The following PCDHA2 variants were observed in gnomAD, a reference collection of about 807,000 sequenced individuals.
The protein encoded by PCDHA2 is protocadherin alpha-2.
In PCDHA2, 58 loss-of-function variants were observed where a neutral mutation model predicts 66.0. The observed-to-expected ratio is 0.88, with a 90% CI of 0.71 to 1.09. The LOEUF (loss-of-function observed/expected upper bound fraction) is 1.09. Among genes scored for constraint, PCDHA2 ranks in the 50% least tolerant of loss-of-function variants. PCDHA2 has a pLI of 0.00. For missense variants in PCDHA2, 1,267 were observed against 1,242.3 expected, an observed-to-expected ratio of 1.02 and a Z score of -0.30; for synonymous variants, 634 against 554.0, an observed-to-expected ratio of 1.14 and a Z score of -2.03.
chr5:140,901,857 G>A (rs782415424), intron 1 of PCDHA2, among the ~76,000 whole-genome samples: 4 of 151,902 alleles, frequency 2.6e-5, no homozygotes, highest in African/African-American at 4.8e-5. Flanking sequence ...CCATTTTTTT[G>A]TGTCCTCTTC....
rs1466971352 is a variant in PCDHA2, at chr5:140,794,871, A to T, written c.-94A>T. ...TTTGTTACTTCAGAGAAGCGGAGGA[A>T]TAAGAGAAGCAGCAGGACTTTAACA... On this transcript the variant is annotated 5_prime_UTR_variant, in exon 1 of 4. Coordinates refer to ENST00000526136, the MANE Select transcript of PCDHA2 (RefSeq NM_018905.3). 2.3e-6 allele frequency: 3 copies of T among 1,324,602 alleles called. No homozygotes were observed. In the African/African-American group the frequency reaches 4.4e-5, roughly 19 times the overall value. The allele number at this position is 1,324,602 out of a possible 1,614,324, so 82.1% of individuals were successfully genotyped here.
chr5:140,938,463 T>C (rs1399110046), intron 1 of PCDHA2, among the ~76,000 whole-genome samples: 1 of 152,216 alleles, frequency 6.6e-6, no homozygotes, highest in Non-Finnish European at 1.5e-5. Flanking sequence ...GTTTTTTAAT[T>C]TATTATGTTT....
At position 140,856,500 on chromosome 5, in the gene PCDHA2, T is replaced by G. The variant is rs371158035; in HGVS notation, c.2388+59148T>G. 1.4e-5 allele frequency: 22 copies of G among 1,598,280 alleles called. 1 individual carries two copies. The African/African-American group carries it at 3.0e-4, about 22-fold the overall frequency. ...GAATCCAGACTGCTTGACTCTCGAT[T>G]TCCACTAGAAGGCGCATCTGATGCG... On this transcript the variant is annotated intron_variant, in intron 1 of 3. Transcript: ENST00000526136.
intron 3 of PCDHA2, among the ~76,000 whole-genome samples, chr5:140,983,386 A>G (rs1426409765): frequency 2.6e-5 from 4 of 152,216 alleles, no homozygotes. Context: ...TCGCTGTGGC[A>G]GTTTTCAGAA....
At chr5:140,801,919 CG>C in intron 1 of PCDHA2, 1 of 1,614,142 alleles carries the variant, frequency 6.2e-7, no homozygotes, top group Non-Finnish European at 8.5e-7. Flanking sequence ...AACGCCCCAG[CG>C]TTTGAGAGGA....
At chr5:140,975,213 G>A (rs1205237242) in intron 1 of PCDHA2, among the ~76,000 whole-genome samples, 2 of 152,178 alleles carry the variant, frequency 1.3e-5, no homozygotes, top group African/African-American at 4.8e-5. Context: ...GGCTGGCACT[G>A]GAGAATCTTC....
At chr5:141,007,869 T>C (rs2098349373) in intron 3 of PCDHA2, among the ~76,000 whole-genome samples, 1 of 152,262 alleles carries the variant, frequency 6.6e-6, no homozygotes, top group African/African-American at 2.4e-5. Flanking sequence ...TCTTTTCCTT[T>C]GTCTTACACT....
At chr5:140,869,170 T>C in intron 1 of PCDHA2, 3 of 1,613,920 alleles carry the variant, frequency 1.9e-6, no homozygotes, top group Non-Finnish European at 2.5e-6. Context: ...CCTCCTCGAA[T>C]TCTGGGAGGT....
rs2150361348 is a variant in PCDHA2, at chr5:140,843,506, G to T, written c.2388+46154G>T. 1.9e-6 allele frequency: 3 copies of T among 1,596,028 alleles called. No homozygotes were observed. The East Asian group carries it at 6.7e-5, about 36-fold the overall frequency. On this transcript the variant is annotated intron_variant, in intron 1 of 3. Coordinates refer to ENST00000526136, the MANE Select transcript of PCDHA2 (RefSeq NM_018905.3). ...GCTGCGGTGCTCAGCACTGCCCACT[G>T]AGGGCGGGTGCCGGGCGGGCAAGCC...
intron 1 of PCDHA2, chr5:140,828,729 C>T (rs1554131485): frequency 2.5e-6 from 4 of 1,614,254 alleles, no homozygotes; most frequent in Non-Finnish European, 3.4e-6. Flanking sequence ...TTATTCCTGA[C>T]AGCCACAGAT....
intron 1 of PCDHA2, chr5:140,867,238 T>C (rs2049839993): frequency 1.3e-5 from 2 of 152,118 alleles, no homozygotes; most frequent in African/African-American, 4.8e-5. Context: ...AATAAGGTGA[T>C]TGAGGATCTG....
chr5:140,883,937 G>C, intron 1 of PCDHA2: 3 of 1,613,414 alleles, frequency 1.9e-6, no homozygotes, highest in Non-Finnish European at 2.5e-6. Context: ...GTTCGTGCTG[G>C]ACGAGAACGA....
intron 1 of PCDHA2, among the ~76,000 whole-genome samples, chr5:140,943,997 T>C (rs1387803558): frequency 2.0e-5 from 3 of 152,178 alleles, no homozygotes; most frequent in African/African-American, 7.2e-5. Flanking sequence ...ACAGAACTAC[T>C]GAGTACCCCC....
At chr5:140,823,365 G>A (rs2150125065) in intron 1 of PCDHA2, 4 of 1,612,764 alleles carry the variant, frequency 2.5e-6, no homozygotes, top group East Asian at 2.2e-5. Context: ...TGGAGCTGCT[G>A]CAGTTCCAGG....
chr5:140,941,169 C>T (rs1283079666), intron 1 of PCDHA2, among the ~76,000 whole-genome samples: 1 of 145,950 alleles, frequency 6.9e-6, no homozygotes, highest in Admixed American at 6.9e-5. Flanking sequence ...GACTCCCCAT[C>T]TTGAACATCC....
At chr5:140,999,138 C>T (rs530740266) in intron 3 of PCDHA2, among the ~76,000 whole-genome samples, 1 of 152,140 alleles carries the variant, frequency 6.6e-6, no homozygotes, top group Non-Finnish European at 1.5e-5. Flanking sequence ...AATGTCACAG[C>T]CGGAAGTCTT....
chr5:140,828,368 G>T, intron 1 of PCDHA2: 1 of 1,614,288 alleles, frequency 6.2e-7, no homozygotes, highest in African/African-American at 1.3e-5. Flanking sequence ...GATCGACCGC[G>T]AGGAGCTGTG....
At chr5:140,812,965 A>G (rs2126642946) in intron 1 of PCDHA2, 15 of 152,128 alleles carry the variant, frequency 9.9e-5, no homozygotes, top group Non-Finnish European at 2.2e-4. Context: ...TAATTCCAGT[A>G]TTGATTTCTA....
At chr5:140,887,376 G>A (rs1169212781) in intron 1 of PCDHA2, among the ~76,000 whole-genome samples, 1 of 152,158 alleles carries the variant, frequency 6.6e-6, no homozygotes, top group Non-Finnish European at 1.5e-5. Context: ...GATTACAGGT[G>A]TGAGCCACCG....
Sources: gnomAD v4.1 joint callset for allele counts (sites outside exome capture counted in the v4.1 genomes callset) on GRCh38, gnomAD v4.1.1 for gene constraint, MANE v1.5 for transcripts, NCBI Gene and HGNC (gene_info 2026-07-23, HGNC 2026-07-21) for gene names.